The following UBE2L5 variants were observed in gnomAD, a reference collection of about 807,000 sequenced individuals.
UBE2L5 encodes ubiquitin-conjugating enzyme E2 L5.
UBE2L5 carries 3 observed loss-of-function variants against 10.0 expected under a neutral mutation model. The ratio of observed to expected loss-of-function variants is 0.30; its 90% confidence interval spans 0.14 to 0.78. The LOEUF is 0.78. Ranked by LOEUF, UBE2L5 falls within the 30% of genes least tolerant of loss-of-function variation. UBE2L5 has a pLI of 0.65. For missense variants in UBE2L5, 131 were observed against 193.3 expected (o/e 0.68, Z 1.91); for synonymous variants, 60 against 71.9 (o/e 0.83, Z 0.83).
rs987360553 is a variant in UBE2L5, at chr13:30,429,335, T to C, written c.*880T>C. 5.3e-5 allele frequency among the ~76,000 whole-genome samples: 8 copies of C among 151,916 alleles called. No homozygotes were observed. The highest frequency in any genetic ancestry group is 1.9e-4 in the African/African-American group (8 of 41,308). On this transcript the variant is annotated 3_prime_UTR_variant, in exon 4 of 4. Coordinates refer to ENST00000635918, the MANE Select transcript of UBE2L5 (RefSeq NM_001355247.2). The stretch of plus-strand genomic sequence containing the variant: ...AAATACCTGGAATTCACACCATAAT[T>C]GGGGTGTCTTTAGGCTGAAATGGAG...
chr13:30,428,849 C>CTTTTT lies in UBE2L5; in HGVS notation c.*408_*412dup, dbSNP rs56343313. Among the ~76,000 whole-genome samples, 3 of 123,238 alleles carry CTTTTT rather than the reference C, an allele frequency of 2.4e-5. No individual in the cohort carries two copies. Among genetic ancestry groups the CTTTTT allele is most frequent in the Non-Finnish European group, 4.9e-5 (3 of 61,572 alleles). The allele number at this position is 123,238 out of a possible 152,430, so 80.8% of individuals were successfully genotyped here. A position where few individuals can be genotyped will look rare whatever the true frequency, so the allele number is the denominator to read the frequency against. On this transcript the variant is annotated 3_prime_UTR_variant, in exon 4 of 4. Coordinates refer to ENST00000635918, the MANE Select transcript of UBE2L5 (RefSeq NM_001355247.2). ...AAGAGATTGTATGCTATATTCCTTG[C>CTTTTT]TTTTTTTTTTTTTTTTTTGGTGGAT... is the stretch of plus-strand genomic sequence containing the variant.
Position 30,427,398 on chromosome 13 carries a change from A to G in UBE2L5, c.-593A>G, listed in dbSNP as rs1403774316. 1 of 152,258 alleles carries G rather than the reference A, an allele frequency of 6.6e-6. No homozygotes were observed. Among genetic ancestry groups the G allele is most frequent in the Non-Finnish European group, 1.5e-5 (1 of 68,058 alleles). The allele number at this position is 152,258 out of a possible 1,614,324, so 9.4% of individuals were successfully genotyped here. A position where few individuals can be genotyped will look rare whatever the true frequency, so the allele number is the denominator to read the frequency against. On this transcript the variant is annotated 5_prime_UTR_variant, in exon 4 of 4. Transcript: ENST00000635918. ...ATTAATAGAAATTTCTCAGAAAAAA[A>G]TATTCAAACACCAAGGATCTCACTT...
intron 2 of UBE2L5, among the ~76,000 whole-genome samples, chr13:30,426,401 A>G (rs879868191): frequency 2.0e-5 from 3 of 152,236 alleles, no homozygotes; most frequent in African/African-American, 4.8e-5. Context: ...AGCACCTCCT[A>G]TAAGTCAGAC....
intron 1 of UBE2L5, among the ~76,000 whole-genome samples, 160 bp downstream of exon 1, chr13:30,422,837 T>C (rs1033350167): frequency 6.6e-6 from 1 of 152,168 alleles, no homozygotes; most frequent in Non-Finnish European, 1.5e-5. Flanking sequence ...TGCACACACG[T>C]TGCAAAAATT....
At chr13:30,423,986 T>C (rs1030523357) in intron 1 of UBE2L5, among the ~76,000 whole-genome samples, 1 of 152,250 alleles carries the variant, frequency 6.6e-6, no homozygotes, top group African/African-American at 2.4e-5. Flanking sequence ...CCTGAACTTG[T>C]CTTCCAGACC....
Position 30,423,490 on chromosome 13 carries a change from G to C in UBE2L5, c.-779+813G>C, listed in dbSNP as rs549268880. On this transcript the variant is annotated intron_variant, in intron 1 of 3. Transcript: ENST00000635918. ...CTGGGTGTGGTGGTGCACACCTGTA[G>C]TTCCAGCTATTAGGGAGGCTGAGAC... 3.3e-5 allele frequency among the ~76,000 whole-genome samples: 5 copies of C among 152,292 alleles called. No homozygotes were observed. The South Asian group carries it at 1.0e-3, about 32-fold the overall frequency.
chr13:30,428,344 G>C lies in UBE2L5; in HGVS notation c.354G>C (p.Glu118Asp). 3 of 1,610,708 alleles carry C rather than the reference G, an allele frequency of 1.9e-6. No homozygotes were observed. The highest frequency in any genetic ancestry group is 2.5e-6 in the Non-Finnish European group (3 of 1,178,480). ...CACTGGTGAATGACCCGCAGCCCGA[G>C]CACCCGCTTCGGGCTGACCTAGCTG... ...LIALVNDPQPEHPLRADLAEE... is the reference protein window; with the variant it reads ...LIALVNDPQPDHPLRADLAEE... The change falls in exon 4 of 4, where the codon GAG (glutamate) becomes GAC (aspartate). Residue 118 changes from glutamate to aspartate, a missense_variant. By Grantham distance (45) the Glu-to-Asp change is conservative. Coordinates refer to ENST00000635918, the MANE Select transcript of UBE2L5 (RefSeq NM_001355247.2).
At chr13:30,423,623 G>A (rs964826781) in intron 1 of UBE2L5, among the ~76,000 whole-genome samples, 12 of 152,142 alleles carry the variant, frequency 7.9e-5, no homozygotes, top group Non-Finnish European at 1.6e-4. Flanking sequence ...TGAAAGGCCG[G>A]GGAATCATAT....
rs555856988 is a variant in UBE2L5, at chr13:30,429,291, C to A, written c.*836C>A. On this transcript the variant is annotated 3_prime_UTR_variant, in exon 4 of 4. Transcript: ENST00000635918. ...CAAGAGCAAAACTCTGTCCCCCCCC[C>A]ACAAAAAAAAATTGATTGAAATACC... is the stretch of plus-strand genomic sequence containing the variant. Among the ~76,000 whole-genome samples the A allele has an allele frequency of 1.5e-4, 22 of 151,298 alleles. No individual in the cohort carries two copies. Among genetic ancestry groups the A allele is most frequent in the South Asian group, 6.3e-4 (3 of 4,788 alleles).
In UBE2L5 at chr13:30,427,499, G is replaced by A. The variant is rs79962350; in HGVS notation, c.-492G>A. On this transcript the variant is annotated 5_prime_UTR_variant, in exon 4 of 4. Coordinates refer to ENST00000635918, the MANE Select transcript of UBE2L5 (RefSeq NM_001355247.2). ...AGTCAGGCAACAGGTGAATATGCAG[G>A]TAGAATTATAATGTGTAAAGCCGGG... 1 of 155,496 alleles carries A rather than the reference G, an allele frequency of 6.4e-6. No homozygotes were observed. The highest frequency in any genetic ancestry group is 2.4e-5 in the African/African-American group (1 of 41,456). The allele number at this position is 155,496 out of a possible 1,614,324, so 9.6% of individuals were successfully genotyped here. A position where few individuals can be genotyped will look rare whatever the true frequency, so the allele number is the denominator to read the frequency against.
In UBE2L5 at chr13:30,428,345, C is replaced by T. The variant is rs990755901; in HGVS notation, c.355C>T (p.His119Tyr). 4 of 1,610,520 alleles carry T rather than the reference C, an allele frequency of 2.5e-6. No individual in the cohort carries two copies. In the African/African-American group the frequency reaches 5.4e-5, roughly 22 times the overall value. ...IALVNDPQPEHPLRADLAEEY... is the reference protein window; with the variant it reads ...IALVNDPQPEYPLRADLAEEY... ...ACTGGTGAATGACCCGCAGCCCGAG[C>T]ACCCGCTTCGGGCTGACCTAGCTGA... Residue 119 changes from histidine (H) to tyrosine (Y), a missense_variant, in exon 4 of 4, where the codon CAC (histidine) becomes TAC (tyrosine). Coordinates refer to ENST00000635918, the MANE Select transcript of UBE2L5 (RefSeq NM_001355247.2).
At chr13:30,427,050 C>G (rs1358517943) in intron 3 of UBE2L5, 2 of 152,138 alleles carry the variant, frequency 1.3e-5, no homozygotes, top group Admixed American at 1.3e-4. Context: ...TTGCTGCCTT[C>G]TTACTGAGCT....
chr13:30,423,857 C>T (rs1318187825), intron 1 of UBE2L5, among the ~76,000 whole-genome samples: 1 of 152,196 alleles, frequency 6.6e-6, no homozygotes, highest in African/African-American at 2.4e-5. Context: ...CCAGCAGATG[C>T]ACAGACAGGT....
intron 1 of UBE2L5, among the ~76,000 whole-genome samples, chr13:30,424,112 G>T (rs1401446105): frequency 6.6e-6 from 1 of 152,162 alleles, no homozygotes; most frequent in African/African-American, 2.4e-5. Context: ...AGAAGCCCGG[G>T]CCACCCTGGG....
rs953029685 is a variant in UBE2L5 at position 30,428,580 on chromosome 13, T to A, written c.*125T>A. The stretch of plus-strand genomic sequence containing the variant: ...CCGTCTGGCGTTCGCTTGCAGCAGT[T>A]ACTAACTTTCTACAGTTTTCTTAAT... On this transcript the variant is annotated 3_prime_UTR_variant, in exon 4 of 4. Coordinates refer to ENST00000635918, the MANE Select transcript of UBE2L5 (RefSeq NM_001355247.2). 4 of 1,092,332 alleles carry A rather than the reference T, an allele frequency of 3.7e-6. No individual in the cohort carries two copies. In the African/African-American group the frequency reaches 4.8e-5, roughly 13 times the overall value. The allele number at this position is 1,092,332 out of a possible 1,614,324, so 67.7% of individuals were successfully genotyped here. A position where few individuals can be genotyped will look rare whatever the true frequency, so the allele number is the denominator to read the frequency against.
chr13:30,427,903 G>C lies in UBE2L5; in HGVS notation c.-88G>C. 1 of 880,930 alleles carries C rather than the reference G, an allele frequency of 1.1e-6. No individual in the cohort carries two copies. Among genetic ancestry groups the C allele is most frequent in the Non-Finnish European group, 1.9e-6 (1 of 533,942 alleles). The allele number at this position is 880,930 out of a possible 1,614,324, so 54.6% of individuals were successfully genotyped here. ...AGCGTAAGTTCAAACTGCCACATCA[G>C]AACGTTATTTGAGTGTATACATACA... is the stretch of plus-strand genomic sequence containing the variant. On this transcript the variant is annotated 5_prime_UTR_variant, in exon 4 of 4. Coordinates refer to ENST00000635918, the MANE Select transcript of UBE2L5 (RefSeq NM_001355247.2).
At chr13:30,423,652 C>T (rs1885498265) in intron 1 of UBE2L5, among the ~76,000 whole-genome samples, 1 of 152,166 alleles carries the variant, frequency 6.6e-6, no homozygotes, top group African/African-American at 2.4e-5. Flanking sequence ...TTGGCCAGTG[C>T]TCATTAAAGA....
At position 30,424,820 on chromosome 13, in the gene UBE2L5, G is replaced by C. The variant is rs180997456; in HGVS notation, c.-766G>C. 6.6e-6 allele frequency: 1 copy of C among 152,454 alleles called. No individual in the cohort carries two copies. Among genetic ancestry groups the C allele is most frequent in the Non-Finnish European group, 1.5e-5 (1 of 68,274 alleles). 9.4% of individuals were successfully genotyped at this position (152,454 alleles called of 1,614,324 possible). Reference sequence around the variant, plus strand: ...CTTGGGATTTCAGTTTCTGAGTGCAGTCAATCATAGCTCACTGCAGCCTCG... The same window carrying C: ...CTTGGGATTTCAGTTTCTGAGTGCACTCAATCATAGCTCACTGCAGCCTCG... On this transcript the variant is annotated 5_prime_UTR_variant, in exon 2 of 4. Coordinates refer to ENST00000635918, the MANE Select transcript of UBE2L5 (RefSeq NM_001355247.2).
Position 30,427,761 on chromosome 13 carries a change from G to A in UBE2L5, c.-230G>A. The A allele has an allele frequency of 1.9e-6, 1 of 538,048 alleles. No individual in the cohort carries two copies. The highest frequency in any genetic ancestry group is 3.3e-6 in the Non-Finnish European group (1 of 307,658). 33.3% of individuals were successfully genotyped at this position (538,048 alleles called of 1,614,324 possible). ...TGAGGTTGCAATGAGCAGAGATGGT[G>A]CCACTGCACTCCAGCCTGGGCAACA... On this transcript the variant is annotated 5_prime_UTR_variant, in exon 4 of 4. Coordinates refer to ENST00000635918, the MANE Select transcript of UBE2L5 (RefSeq NM_001355247.2).
Sources: allele counts gnomAD v4.1 joint callset (sites outside exome capture counted in the v4.1 genomes callset), GRCh38; gene constraint gnomAD v4.1.1; transcripts MANE v1.5; gene names NCBI Gene and HGNC (gene_info 2026-07-23, HGNC 2026-07-21).